KIDINS220: variants seen among roughly 807,000 people sequenced by gnomAD.
The protein encoded by KIDINS220 is kinase D interacting substrate 220.
KIDINS220 carries 63 observed loss-of-function variants against 157.6 expected under a neutral mutation model. That is an observed-to-expected ratio of 0.40 (90% CI 0.33 to 0.49). KIDINS220 has a LOEUF of 0.49. Among genes scored for constraint, KIDINS220 ranks in the 20% least tolerant of loss-of-function variants. The pLI is 0.66. For missense variants in KIDINS220, 1,772 were observed against 2,171.2 expected (o/e 0.82, Z 3.65); for synonymous variants, 732 against 783.6 (o/e 0.93, Z 1.10).
intron 28 of KIDINS220, 39 bp from the exon 29 acceptor site, chr2:8,733,719 T>A: frequency 7.8e-7 from 1 of 1,274,222 alleles, no homozygotes; most frequent in Non-Finnish European, 1.1e-6. Context: ...CACTAACAAA[T>A]CATATTTTAG....
chr2:8,759,253 C>T (rs899929825), intron 22 of KIDINS220, among the ~76,000 whole-genome samples: 2 of 152,000 alleles, frequency 1.3e-5, no homozygotes, highest in East Asian at 1.9e-4. Flanking sequence ...TGTTTAAGGA[C>T]GGTGTGATTA....
chr2:8,787,942 G>C (rs1223337616), intron 15 of KIDINS220, among the ~76,000 whole-genome samples: 1 of 152,134 alleles, frequency 6.6e-6, no homozygotes, highest in Admixed American at 6.5e-5. Flanking sequence ...GCTCACATAA[G>C]GAAGGGCCAG....
chr2:8,749,864 T>C (rs1244205782), intron 24 of KIDINS220, among the ~76,000 whole-genome samples: 1 of 152,168 alleles, frequency 6.6e-6, no homozygotes, highest in East Asian at 1.9e-4. Context: ...GTGGAGTCCA[T>C]TTACTTATCA....
intron 17 of KIDINS220, among the ~76,000 whole-genome samples, chr2:8,781,153 A>ATATATATATAATACAT (rs70946383): frequency 9.2e-5 from 12 of 130,410 alleles, no homozygotes; most frequent in Non-Finnish European, 1.6e-4. Context: ...ATATATATAT[A>ATATATATATAATACAT]ATATATATAT....
chr2:8,774,943 A>G (rs1443316592), intron 21 of KIDINS220, among the ~76,000 whole-genome samples: 7 of 152,348 alleles, frequency 4.6e-5, no homozygotes, highest in Admixed American at 4.6e-4. Flanking sequence ...CAGTTAGACT[A>G]TTTCCATAAT....
chr2:8,744,443 T>C (rs1233568316), intron 26 of KIDINS220, among the ~76,000 whole-genome samples: 1 of 106,536 alleles, frequency 9.4e-6, no homozygotes, highest in Non-Finnish European at 1.8e-5. Flanking sequence ...TATATATATA[T>C]ATGGGATCAT....
At chr2:8,746,703 C>T (rs1050250767) in intron 26 of KIDINS220, 1 of 155,992 alleles carries the variant, frequency 6.4e-6, no homozygotes, top group Non-Finnish European at 1.4e-5. Flanking sequence ...TTAGTCTACA[C>T]CATCTAGCTT....
chr2:8,751,826 T>C (rs555569940), intron 22 of KIDINS220, among the ~76,000 whole-genome samples, 182 bp from the exon 23 acceptor site: 17 of 152,248 alleles, frequency 1.1e-4, no homozygotes, highest in African/African-American at 3.9e-4. Context: ...TGCCTCAGCC[T>C]ACCTAGTGGC....
chr2:8,738,215 C>T (rs1338568535), intron 26 of KIDINS220, among the ~76,000 whole-genome samples: 1 of 152,124 alleles, frequency 6.6e-6, no homozygotes, highest in Non-Finnish European at 1.5e-5. Flanking sequence ...AATTAGGAAG[C>T]AGAGACAGCT....
intron 9 of KIDINS220, 95 bp downstream of exon 9, chr2:8,800,305 T>C (rs1026977567): frequency 2.9e-6 from 2 of 695,144 alleles, no homozygotes; most frequent in Non-Finnish European, 4.6e-6. Flanking sequence ...TACAAGTTTA[T>C]CTCCATAGGA....
chr2:8,802,387 T>C (rs780326974), intron 8 of KIDINS220, among the ~76,000 whole-genome samples: 2 of 152,028 alleles, frequency 1.3e-5, no homozygotes, highest in African/African-American at 4.8e-5. Context: ...AGTGGACAGA[T>C]AAAGGATTTG....
At chr2:8,793,591 C>T (rs868512701) in intron 12 of KIDINS220, among the ~76,000 whole-genome samples, 1 of 152,200 alleles carries the variant, frequency 6.6e-6, no homozygotes, top group Admixed American at 6.5e-5. Flanking sequence ...AAGCACACCA[C>T]CACGCTCAGC....
chr2:8,796,382 A>C (rs1673923898), intron 11 of KIDINS220, among the ~76,000 whole-genome samples: 1 of 152,184 alleles, frequency 6.6e-6, no homozygotes, highest in Admixed American at 6.5e-5. Flanking sequence ...CGGCAGAACA[A>C]ACACATTGAC....
At position 8,796,807 on chromosome 2, in the gene KIDINS220, C is replaced by G; in HGVS notation, c.1062G>C (p.Leu354=). 1 of 1,614,224 alleles carries G rather than the reference C, an allele frequency of 6.2e-7. No individual in the cohort carries two copies. Among genetic ancestry groups the G allele is most frequent in the Non-Finnish European group, 8.5e-7 (1 of 1,180,024 alleles). ...CAGACACTTTAGCACCTTTATCTAGCAGCAGCTCCACCACTTCAATGTTTC... is the reference window on the plus strand; with the variant it reads ...CAGACACTTTAGCACCTTTATCTAGGAGCAGCTCCACCACTTCAATGTTTC... ...KMRNIEVVEL[L]LDKGAKVSAV... The change falls in exon 11 of 30, where the codon CTG becomes CTC. Residue 354 remains leucine, a synonymous_variant. Coordinates refer to ENST00000256707, the MANE Select transcript of KIDINS220 (RefSeq NM_020738.4).
rs564504467 is a variant in KIDINS220, at chr2:8,785,682, G to A, written c.2229+59C>T. The A allele has an allele frequency of 8.5e-6, 12 of 1,418,426 alleles. No homozygotes were observed. The East Asian group carries it at 2.5e-4, about 30-fold the overall frequency. The allele number at this position is 1,418,426 out of a possible 1,614,324, so 87.9% of individuals were successfully genotyped here. A position where few individuals can be genotyped will look rare whatever the true frequency, so the allele number is the denominator to read the frequency against. ...AGTGTACTTCCTAAAGCCCAAATGAGCATGGCAGTGGCAACATATTCGCAT... is the reference window on the plus strand; with the variant it reads ...AGTGTACTTCCTAAAGCCCAAATGAACATGGCAGTGGCAACATATTCGCAT... On this transcript the variant is annotated intron_variant, in intron 17 of 29. Transcript: ENST00000256707.
chr2:8,778,005 CCA>C, intron 20 of KIDINS220, among the ~76,000 whole-genome samples: 1 of 152,086 alleles, frequency 6.6e-6, no homozygotes, highest in Admixed American at 6.6e-5. Context: ...AAACATAATG[CCA>C]ATACTAGCCC....
intron 22 of KIDINS220, among the ~76,000 whole-genome samples, chr2:8,752,827 A>T (rs907794174): frequency 6.6e-6 from 1 of 152,216 alleles, no homozygotes; most frequent in Non-Finnish European, 1.5e-5. Flanking sequence ...GAAAAAACAT[A>T]CTTTAACCAA....
At chr2:8,816,859 A>C (rs1677151778) in intron 4 of KIDINS220, among the ~76,000 whole-genome samples, 1 of 152,234 alleles carries the variant, frequency 6.6e-6, no homozygotes, top group Admixed American at 6.5e-5. Context: ...AGTTTTGAGA[A>C]CAAATATAAG....
rs143576317 is a variant in KIDINS220, at chr2:8,822,578, G to C, written c.109-3785C>G. On this transcript the variant is annotated intron_variant, in intron 2 of 29. Transcript: ENST00000256707. ...AGCAGGTCAAGGCTGCAGTGAGCTGGATCATGCCACTACACTCCAGCCTGG... is the reference window on the plus strand; with the variant it reads ...AGCAGGTCAAGGCTGCAGTGAGCTGCATCATGCCACTACACTCCAGCCTGG... 2.1e-3 allele frequency among the ~76,000 whole-genome samples: 316 copies of C among 152,220 alleles called. 2 individuals are homozygous for C. The highest frequency in any genetic ancestry group is 7.0e-3 in the African/African-American group (291 of 41,526).
Sources: allele counts gnomAD v4.1 joint callset (sites outside exome capture counted in the v4.1 genomes callset), GRCh38; gene constraint gnomAD v4.1.1; transcripts MANE v1.5; gene names NCBI Gene and HGNC (gene_info 2026-07-23, HGNC 2026-07-21).